Variants in KIAA0825 observed in about 807,000 individuals in gnomAD.
The protein encoded by KIAA0825 is uncharacterized protein KIAA0825.
KIAA0825 carries 119 observed loss-of-function variants against 147.6 expected under a neutral mutation model. The observed-to-expected ratio is 0.81, with a 90% CI of 0.69 to 0.94. The LOEUF (loss-of-function observed/expected upper bound fraction) is 0.94, where lower values mean the gene tolerates loss of function less well. Ranked by LOEUF, KIAA0825 falls within the 40% of genes least tolerant of loss-of-function variation. The pLI, the probability that KIAA0825 is intolerant of heterozygous loss-of-function variation, is 0.00. For synonymous variants in KIAA0825, 470 were observed against 518.1 expected (o/e 0.91, Z 1.26); for missense variants, 1,381 against 1,472.7 (o/e 0.94, Z 1.02).
At chr5:94,319,783 T>G (rs1261059957) in intron 20 of KIAA0825, among the ~76,000 whole-genome samples, 2 of 152,014 alleles carry the variant, frequency 1.3e-5, no homozygotes, top group African/African-American at 4.8e-5. Context: ...ATGCTTCTTA[T>G]AGCAGTCAGA....
intron 20 of KIAA0825, among the ~76,000 whole-genome samples, chr5:94,358,486 A>G (rs1291982335): frequency 6.6e-6 from 1 of 152,222 alleles, no homozygotes; most frequent in Non-Finnish European, 1.5e-5. Context: ...CAAAACATCA[A>G]TAATATTCAA....
intron 14 of KIAA0825, among the ~76,000 whole-genome samples, chr5:94,425,185 G>C (rs1016205138): frequency 1.3e-5 from 2 of 152,060 alleles, no homozygotes; most frequent in Non-Finnish European, 2.9e-5. Context: ...AACAAAAAAA[G>C]AAAACTACAG....
chr5:94,309,609 C>A (rs1455216556), intron 20 of KIAA0825, among the ~76,000 whole-genome samples: 1 of 151,632 alleles, frequency 6.6e-6, no homozygotes, highest in Non-Finnish European at 1.5e-5. Context: ...AGCATTGAGC[C>A]TTCAATAACA....
chr5:94,603,197 G>C (rs1786828644), intron 1 of KIAA0825, among the ~76,000 whole-genome samples: 1 of 152,114 alleles, frequency 6.6e-6, no homozygotes, highest in African/African-American at 2.4e-5. Flanking sequence ...CACTTATAAA[G>C]GGAAGCCCAT....
At chr5:94,380,002 T>G (rs1748162425) in intron 20 of KIAA0825, among the ~76,000 whole-genome samples, 1 of 151,808 alleles carries the variant, frequency 6.6e-6, no homozygotes, top group Non-Finnish European at 1.5e-5. Context: ...TACAGGTGCC[T>G]ACCACCACGC....
At chr5:94,366,020 G>T (rs1745804410) in intron 20 of KIAA0825, among the ~76,000 whole-genome samples, 1 of 152,020 alleles carries the variant, frequency 6.6e-6, no homozygotes, top group Admixed American at 6.6e-5. Context: ...CCCAGGAACT[G>T]TCTTAGCACA....
chr5:94,385,643 A>ACGATGG (rs1184901588), intron 19 of KIAA0825, among the ~76,000 whole-genome samples: 3 of 152,206 alleles, frequency 2.0e-5, no homozygotes, highest in Non-Finnish European at 4.4e-5. Flanking sequence ...AACTACTGAA[A>ACGATGG]CATGCGGCTT....
intron 14 of KIAA0825, among the ~76,000 whole-genome samples, chr5:94,429,526 G>A (rs1755374026): frequency 1.3e-5 from 2 of 152,150 alleles, no homozygotes; most frequent in South Asian, 4.1e-4. Context: ...CCCATAGATG[G>A]CACTTACAGG....
intron 2 of KIAA0825, among the ~76,000 whole-genome samples, chr5:94,537,665 A>G (rs952340149): frequency 1.4e-5 from 2 of 147,874 alleles, no homozygotes; most frequent in Non-Finnish European, 3.0e-5. Flanking sequence ...AAAAAAAAAA[A>G]AAGAAAGCTG....
intron 8 of KIAA0825, among the ~76,000 whole-genome samples, chr5:94,472,430 C>A (rs1253904294): frequency 2.6e-5 from 4 of 152,086 alleles, no homozygotes; most frequent in African/African-American, 9.7e-5. Flanking sequence ...ATAAGGAGGT[C>A]ATCGTCAAAA....
chr5:94,396,612 G>T lies in KIAA0825; in HGVS notation c.2888-103C>A, dbSNP rs1288999834. Reference sequence around the variant, plus strand: ...TGTCTAATTTTTGTGGAGAAAATTGGCAAGAAGATCAAGTGCCTGACATAT... The same window carrying T: ...TGTCTAATTTTTGTGGAGAAAATTGTCAAGAAGATCAAGTGCCTGACATAT... On this transcript the variant is annotated intron_variant, in intron 16 of 20. Transcript: ENST00000682413. 6 of 953,744 alleles carry T rather than the reference G, an allele frequency of 6.3e-6. No individual in the cohort carries two copies. In the East Asian group the frequency reaches 1.5e-4, roughly 23 times the overall value. The allele number at this position is 953,744 out of a possible 1,614,324, so 59.1% of individuals were successfully genotyped here.
chr5:94,314,254 T>G (rs1779445060), intron 20 of KIAA0825, among the ~76,000 whole-genome samples: 1 of 151,614 alleles, frequency 6.6e-6, no homozygotes, highest in Admixed American at 6.6e-5. Flanking sequence ...AATATATCTC[T>G]CTCCTAACAC....
intron 1 of KIAA0825, among the ~76,000 whole-genome samples, chr5:94,612,990 A>T (rs1296609289): frequency 6.6e-6 from 1 of 152,192 alleles, no homozygotes; most frequent in East Asian, 1.9e-4. Context: ...TGGCTCAGGG[A>T]ATTTAAGTAA....
chr5:94,508,493 C>G (rs1056298450), intron 5 of KIAA0825, among the ~76,000 whole-genome samples: 37 of 151,406 alleles, frequency 2.4e-4, no homozygotes, highest in Non-Finnish European at 2.9e-5. Flanking sequence ...TAATCTAAGG[C>G]AAACATTGTT....
At chr5:94,426,853 T>C (rs558894897) in intron 14 of KIAA0825, among the ~76,000 whole-genome samples, 1 of 152,318 alleles carries the variant, frequency 6.6e-6, no homozygotes, top group South Asian at 2.1e-4. Context: ...ATGTATCAAT[T>C]AAAATGGTAA....
intron 14 of KIAA0825, among the ~76,000 whole-genome samples, chr5:94,426,019 T>TTTATTATTATTA (rs1754814409): frequency 2.6e-5 from 3 of 115,714 alleles, no homozygotes; most frequent in Non-Finnish European, 5.6e-5. Flanking sequence ...GGATAATTTT[T>TTTATTATTATTA]GTATTATTAT....
intron 6 of KIAA0825, among the ~76,000 whole-genome samples, 154 bp downstream of exon 6, chr5:94,484,615 T>C (rs920154053): frequency 1.9e-4 from 29 of 151,766 alleles, no homozygotes; most frequent in African/African-American, 6.0e-4. Context: ...TGTGCATTTT[T>C]ATATATAATG....
intron 20 of KIAA0825, among the ~76,000 whole-genome samples, chr5:94,199,782 G>C (rs181882034): frequency 4.2e-4 from 64 of 152,296 alleles, no homozygotes; most frequent in African/African-American, 1.5e-3. Flanking sequence ...GGCGGGGGAG[G>C]CTGCAGCAAA....
intron 20 of KIAA0825, among the ~76,000 whole-genome samples, chr5:94,301,502 A>G (rs1030017311): frequency 1.3e-5 from 2 of 152,140 alleles, no homozygotes; most frequent in Admixed American, 6.6e-5. Flanking sequence ...TAGATATGCA[A>G]TGAGAACTAT....
Sources: allele counts gnomAD v4.1 joint callset (sites outside exome capture counted in the v4.1 genomes callset), GRCh38; gene constraint gnomAD v4.1.1; transcripts MANE v1.5; gene names NCBI Gene and HGNC (gene_info 2026-07-23, HGNC 2026-07-21).